The following TMPRSS2 variants were observed in gnomAD, a reference collection of about 807,000 sequenced individuals.
The protein encoded by TMPRSS2 is transmembrane protease serine 2.
TMPRSS2 carries 59 observed loss-of-function variants against 67.4 expected under a neutral mutation model. The observed-to-expected ratio is 0.88, with a 90% CI of 0.71 to 1.09. The LOEUF (loss-of-function observed/expected upper bound fraction) is 1.09, where lower values mean the gene tolerates loss of function less well. Among genes scored for constraint, TMPRSS2 ranks in the 50% least tolerant of loss-of-function variants. The pLI, the probability that TMPRSS2 is intolerant of heterozygous loss-of-function variation, is 0.00. For synonymous variants in TMPRSS2, 257 were observed against 257.0 expected, an observed-to-expected ratio of 1.00 and a Z score of 0.00; for missense variants, 668 against 642.7, an observed-to-expected ratio of 1.04 and a Z score of -0.43.
chr21:41,508,133 G>A lies in TMPRSS2; in HGVS notation c.-109C>T, dbSNP rs542471574. On this transcript the variant is annotated 5_prime_UTR_variant, in exon 1 of 14. Coordinates refer to ENST00000332149, the MANE Select transcript of TMPRSS2 (RefSeq NM_005656.4). Reference sequence around the variant, plus strand: ...CCCCTCGCCCTCCGCCTCCGCCTCCGCCTCCTGCTTAGCTCGCGCCTACTC... The same window carrying A: ...CCCCTCGCCCTCCGCCTCCGCCTCCACCTCCTGCTTAGCTCGCGCCTACTC... The A allele has an allele frequency of 1.6e-4, 144 of 907,512 alleles. 1 individual carries two copies. In the South Asian group the frequency reaches 4.0e-3, roughly 25 times the overall value. The allele number at this position is 907,512 out of a possible 1,614,324, so 56.2% of individuals were successfully genotyped here.
intron 12 of TMPRSS2, 68 bp from the exon 13 acceptor site, chr21:41,467,954 G>A: frequency 6.3e-7 from 1 of 1,581,838 alleles, no homozygotes; most frequent in Non-Finnish European, 8.6e-7. Context: ...CACTGACCAG[G>A]CCTAGAGGAG....
chr21:41,494,101 A>G (rs1324748981), intron 3 of TMPRSS2, among the ~76,000 whole-genome samples: 1 of 152,276 alleles, frequency 6.6e-6, no homozygotes, highest in Non-Finnish European at 1.5e-5. Context: ...TAGAACAGGC[A>G]AAGCTGTACA....
intron 7 of TMPRSS2, among the ~76,000 whole-genome samples, chr21:41,477,024 A>G (rs375837256): frequency 5.9e-5 from 9 of 152,358 alleles, no homozygotes; most frequent in Admixed American, 4.6e-4. Flanking sequence ...TGTAGTGTTG[A>G]AAGCAATATA....
chr21:41,470,073 G>A (rs1037754216), intron 11 of TMPRSS2, among the ~76,000 whole-genome samples: 3 of 152,162 alleles, frequency 2.0e-5, no homozygotes, highest in African/African-American at 7.2e-5. Flanking sequence ...TTTTGAGAAG[G>A]ATATAAACAA....
Position 41,479,284 on chromosome 21 carries a change from T to C in TMPRSS2, c.573-2A>G, listed in dbSNP as rs1569016663. ...CCTTGGCTAGAGTAAAAATTATTCC[T>C]AAAAAAGAAAACCTTATTTGTGATA... On this transcript the variant is annotated splice_acceptor_variant, in intron 6 of 13. Transcript: ENST00000332149. LOFTEE classifies it high-confidence loss of function. 17 of 1,610,758 alleles carry C rather than the reference T, an allele frequency of 1.1e-5. No homozygotes were observed. Among genetic ancestry groups the C allele is most frequent in the Non-Finnish European group, 1.4e-5 (16 of 1,177,748 alleles).
chr21:41,482,151 A>C (rs1336133114), intron 5 of TMPRSS2, among the ~76,000 whole-genome samples: 1 of 151,824 alleles, frequency 6.6e-6, no homozygotes. Flanking sequence ...TGTCCAGGAG[A>C]CTCTAAATCA....
intron 3 of TMPRSS2, among the ~76,000 whole-genome samples, chr21:41,492,226 A>AC (rs950614899): frequency 1.9e-4 from 29 of 151,624 alleles, no homozygotes; most frequent in African/African-American, 6.8e-4. Flanking sequence ...AACAAAAAAA[A>AC]CCCACGCACA....
At chr21:41,507,953 C>T (rs916319861) in intron 1 of TMPRSS2, 128 bp downstream of exon 1, 75 of 1,479,938 alleles carry the variant, frequency 5.1e-5, no homozygotes, top group Non-Finnish European at 6.3e-5. Flanking sequence ...CACTCACCTG[C>T]CGCGCCGCGC....
chr21:41,482,983 T>C (rs1185297870), intron 5 of TMPRSS2, among the ~76,000 whole-genome samples: 1 of 152,182 alleles, frequency 6.6e-6, no homozygotes, highest in Non-Finnish European at 1.5e-5. Context: ...AAAGAGGTTT[T>C]AAGGCAGGAG....
intron 1 of TMPRSS2, among the ~76,000 whole-genome samples, chr21:41,501,271 C>G (rs375023318): frequency 6.6e-6 from 1 of 152,162 alleles, no homozygotes; most frequent in Non-Finnish European, 1.5e-5. Flanking sequence ...AAGTCAGTTA[C>G]CATGGACTTT....
chr21:41,492,945 G>A (rs544880781), intron 3 of TMPRSS2, among the ~76,000 whole-genome samples: 57 of 152,210 alleles, frequency 3.7e-4, no homozygotes, highest in African/African-American at 1.3e-3. Flanking sequence ...CCATCCCCAC[G>A]GTGGACAAAG....
At chr21:41,483,202 G>A (rs961213461) in intron 5 of TMPRSS2, among the ~76,000 whole-genome samples, 4 of 152,170 alleles carry the variant, frequency 2.6e-5, no homozygotes, top group African/African-American at 7.2e-5. Flanking sequence ...CAAGGAGCTC[G>A]CTGCCCTGTC....
chr21:41,508,115 CCCTCCGCCTCCG>C lies in TMPRSS2; in HGVS notation c.-103_-92del, dbSNP rs543548317. On this transcript the variant is annotated 5_prime_UTR_variant, in exon 1 of 14. Transcript: ENST00000332149. ...TCCAGGCGGCGCTCCCCGCCCCTCG[CCCTCCGCCTCCG>C]CCTCCGCCTCCTGCTTAGCTCGCGC... is the stretch of plus-strand genomic sequence containing the variant. 11 of 1,078,616 alleles carry C rather than the reference CCCTCCGCCTCCG, an allele frequency of 1.0e-5. No homozygotes were observed. The highest frequency in any genetic ancestry group is 5.0e-5 in the African/African-American group (3 of 60,184). The allele number at this position is 1,078,616 out of a possible 1,614,324, so 66.8% of individuals were successfully genotyped here. A position where few individuals can be genotyped will look rare whatever the true frequency, so the allele number is the denominator to read the frequency against.
chr21:41,475,646 A>AGGTGAGTGAGGGTTGAGGGAGTGAGGG (rs1601570344), intron 8 of TMPRSS2, among the ~76,000 whole-genome samples: 1 of 40,372 alleles, frequency 2.5e-5, no homozygotes, highest in Non-Finnish European at 5.1e-5. Flanking sequence ...GGGAGTGAGG[A>AGGTGAGTGAGGGTTGAGGGAGTGAGGG]GGTGAGTGAG....
chr21:41,487,634 G>A (rs2091308230), intron 5 of TMPRSS2: 1 of 151,978 alleles, frequency 6.6e-6, no homozygotes, highest in Admixed American at 6.6e-5. Flanking sequence ...AACATCATGT[G>A]GTATGCCATA....
intron 9 of TMPRSS2, among the ~76,000 whole-genome samples, chr21:41,473,009 G>T (rs1373823772): frequency 6.6e-6 from 1 of 152,170 alleles, no homozygotes; most frequent in Non-Finnish European, 1.5e-5. Context: ...GATACCTCAG[G>T]GGGCAGGGGC....
At chr21:41,477,255 G>C (rs949565160) in intron 7 of TMPRSS2, among the ~76,000 whole-genome samples, 1 of 152,156 alleles carries the variant, frequency 6.6e-6, no homozygotes. Flanking sequence ...TTCACTGAGC[G>C]TCAATATCGG....
At chr21:41,501,647 C>T (rs1244215575) in intron 1 of TMPRSS2, among the ~76,000 whole-genome samples, 1 of 137,402 alleles carries the variant, frequency 7.3e-6, no homozygotes, top group African/African-American at 2.7e-5. Context: ...GAAACAACAA[C>T]AACATTCTCC....
chr21:41,491,701 A>G (rs745522764), intron 3 of TMPRSS2, among the ~76,000 whole-genome samples: 1 of 152,220 alleles, frequency 6.6e-6, no homozygotes, highest in Non-Finnish European at 1.5e-5. Flanking sequence ...GATGAGGGCT[A>G]TTCAGTTAGG....
Sources: allele counts gnomAD v4.1 joint callset (sites outside exome capture counted in the v4.1 genomes callset), GRCh38; gene constraint gnomAD v4.1.1; transcripts MANE v1.5; gene names NCBI Gene and HGNC (gene_info 2026-07-23, HGNC 2026-07-21).